ARHGEF10L: variants seen among roughly 807,000 people sequenced by gnomAD.
ARHGEF10L encodes the protein rho guanine nucleotide exchange factor 10-like protein.
In ARHGEF10L, 69 loss-of-function variants were observed where a neutral mutation model predicts 141.2. The observed-to-expected ratio is 0.49, with a 90% confidence interval of 0.40 to 0.60. The LOEUF (loss-of-function observed/expected upper bound fraction) is 0.60, where lower values mean the gene tolerates loss of function less well. ARHGEF10L is among the 20% of genes least tolerant of loss of function. ARHGEF10L has a pLI of 0.00. For synonymous variants in ARHGEF10L, 711 were observed against 718.5 expected (o/e 0.99, Z 0.17); for missense variants, 1,482 against 1,734.3 (o/e 0.85, Z 2.58).
chr1:17,595,473 G>A (rs1201198671), intron 4 of ARHGEF10L, among the ~76,000 whole-genome samples: 1 of 152,074 alleles, frequency 6.6e-6, no homozygotes, highest in East Asian at 1.9e-4. Context: ...TACAGAGATG[G>A]CTCCCCAGAG....
Position 17,612,284 on chromosome 1 carries a change from A to G in ARHGEF10L, c.610-774A>G, listed in dbSNP as rs115607980. On this transcript the variant is annotated intron_variant, in intron 7 of 28. Transcript: ENST00000361221. ...CTTTTTCCTGCAGAACTGGTTGTTA[A>G]ATATTTGCCAGCACAGCACTGCCTG... Among the ~76,000 whole-genome samples, 632 of 151,860 alleles carry G rather than the reference A, an allele frequency of 4.2e-3. 4 individuals are homozygous for G. The highest frequency in any genetic ancestry group is 8.7e-3 in the Admixed American group (133 of 15,268).
chr1:17,579,038 TG>T (rs1430623996), intron 1 of ARHGEF10L, among the ~76,000 whole-genome samples: 1 of 152,068 alleles, frequency 6.6e-6, no homozygotes, highest in Non-Finnish European at 1.5e-5. Flanking sequence ...TTTAATTTTT[TG>T]AGACAGAGTC....
chr1:17,680,185 C>G (rs534851756), intron 26 of ARHGEF10L, among the ~76,000 whole-genome samples: 13 of 152,226 alleles, frequency 8.5e-5, no homozygotes, highest in African/African-American at 2.9e-4. Flanking sequence ...CGCACAGTGC[C>G]CAGTCAGGCA....
At chr1:17,635,928 G>A (rs1475926424) in intron 18 of ARHGEF10L, among the ~76,000 whole-genome samples, 1 of 152,164 alleles carries the variant, frequency 6.6e-6, no homozygotes, top group Non-Finnish European at 1.5e-5. Context: ...TGCCTCATGG[G>A]CCACCCACAA....
upstream of ARHGEF10L, among the ~76,000 whole-genome samples, chr1:17,536,554 G>A (rs1370630189): frequency 2.0e-5 from 3 of 152,172 alleles, no homozygotes; most frequent in Non-Finnish European, 4.4e-5. Context: ...GCAAGAATAC[G>A]TGAAGATGTG....
chr1:17,680,146 A>T (rs1211343012), intron 26 of ARHGEF10L, among the ~76,000 whole-genome samples: 3 of 148,956 alleles, frequency 2.0e-5, no homozygotes, highest in African/African-American at 7.5e-5. Context: ...CTCTCTTTTC[A>T]TAGAGTCTCC....
chr1:17,549,167 C>T (rs977834072), intron 1 of ARHGEF10L, among the ~76,000 whole-genome samples: 2 of 151,290 alleles, frequency 1.3e-5, no homozygotes, highest in Non-Finnish European at 2.9e-5. Flanking sequence ...GGATTACAGG[C>T]GCCTGCCACT....
In ARHGEF10L at chr1:17,651,714, C is replaced by T. The variant is rs151027775; in HGVS notation, c.2395-2922C>T. On this transcript the variant is annotated intron_variant, in intron 22 of 28. Transcript: ENST00000361221. ...CAGGAATATGTAGGCCAGAAGCATC[C>T]TCAGTCCTGCTGGCCCCGGCTCACT... is the stretch of plus-strand genomic sequence containing the variant. Among the ~76,000 whole-genome samples, 922 of 152,286 alleles carry T rather than the reference C, an allele frequency of 6.1e-3. 9 individuals carry two copies. Among genetic ancestry groups the T allele is most frequent in the African/African-American group, 0.021 (862 of 41,548 alleles).
intron 23 of ARHGEF10L, 48 bp from the exon 24 acceptor site, chr1:17,655,831 C>G (rs1302270346): frequency 4.0e-6 from 6 of 1,517,920 alleles, no homozygotes; most frequent in Non-Finnish European, 5.3e-6. Flanking sequence ...CTCCTCTGCT[C>G]CCTCCTGTGG....
In ARHGEF10L at chr1:17,639,873, C is replaced by T. The variant is rs1223033541; in HGVS notation, c.2172-329C>T. 1 of 1,396,836 alleles carries T rather than the reference C, an allele frequency of 7.2e-7. No homozygotes were observed. The highest frequency in any genetic ancestry group is 9.4e-7 in the Non-Finnish European group (1 of 1,058,226). The allele number at this position is 1,396,836 out of a possible 1,614,324, so 86.5% of individuals were successfully genotyped here. A position where few individuals can be genotyped will look rare whatever the true frequency, so the allele number is the denominator to read the frequency against. Reference sequence around the variant, plus strand: ...ATGTAAGGTGTCTAAGACCTGTGGACAGCTGACCGCTGACCAGGTGGAGTC... The same window carrying T: ...ATGTAAGGTGTCTAAGACCTGTGGATAGCTGACCGCTGACCAGGTGGAGTC... On this transcript the variant is annotated intron_variant, in intron 20 of 28. Coordinates refer to ENST00000361221, the MANE Select transcript of ARHGEF10L (RefSeq NM_018125.4). The surrounding 1 kb of genome is among the most constrained non-coding windows in gnomAD (Gnocchi z 4.3).
At chr1:17,690,247 G>T (rs1202859838) in intron 27 of ARHGEF10L, among the ~76,000 whole-genome samples, 1 of 152,180 alleles carries the variant, frequency 6.6e-6, no homozygotes, top group Non-Finnish European at 1.5e-5. Context: ...GCTGGGTGGG[G>T]TACACCAGAG....
intron 7 of ARHGEF10L, among the ~76,000 whole-genome samples, chr1:17,612,356 C>T (rs2059590651): frequency 1.3e-5 from 2 of 152,244 alleles, no homozygotes; most frequent in Admixed American, 1.3e-4. Flanking sequence ...CTTCATCTGA[C>T]TGTCTCTTCA....
intron 26 of ARHGEF10L, among the ~76,000 whole-genome samples, chr1:17,675,853 G>A (rs1170223356): frequency 2.0e-5 from 3 of 149,416 alleles, no homozygotes; most frequent in Admixed American, 2.0e-4. Flanking sequence ...TGTGGGTGCA[G>A]GTGTGGGTAC....
At chr1:17,545,871 C>A (rs1243028035) in intron 1 of ARHGEF10L, among the ~76,000 whole-genome samples, 1 of 152,196 alleles carries the variant, frequency 6.6e-6, no homozygotes, top group Admixed American at 6.5e-5. Context: ...TGCCTCTGAA[C>A]CTTTGCACAT....
chr1:17,658,722 C>T (rs562523818), intron 25 of ARHGEF10L, among the ~76,000 whole-genome samples: 15 of 152,130 alleles, frequency 9.9e-5, no homozygotes, highest in East Asian at 1.9e-4. Flanking sequence ...GAGAGGGAAT[C>T]GGTTAGTAAA....
At position 17,695,235 on chromosome 1, in the gene ARHGEF10L, G is replaced by A. The variant is rs145857867; in HGVS notation, c.3262G>A (p.Val1088Ile). The A allele has an allele frequency of 3.2e-5, 51 of 1,606,768 alleles. No homozygotes were observed. Among genetic ancestry groups the A allele is most frequent in the African/African-American group, 1.9e-4 (14 of 74,752 alleles). The change falls in exon 28 of 29, where the codon GTC becomes ATC. Residue 1088 changes from valine to isoleucine, a missense_variant. Val to Ile is a conservative substitution (Grantham distance 29, BLOSUM62 3). This residue lies in a region of ARHGEF10L where 858 missense variants were observed against 966.3 expected (regional missense o/e 0.89). Transcript: ENST00000361221. ...GGTGGGCACTGACCAGGGTGTCATCGTCCTGCTGCCCGTGCCTCGGCTGGA... is the reference window on the plus strand; with the variant it reads ...GGTGGGCACTGACCAGGGTGTCATCATCCTGCTGCCCGTGCCTCGGCTGGA... The part of the protein sequence containing the change: ...LWVGTDQGVI[V>I]LLPVPRLEGI...
chr1:17,567,203 T>C (rs1432058770), intron 1 of ARHGEF10L, among the ~76,000 whole-genome samples: 1 of 152,218 alleles, frequency 6.6e-6, no homozygotes, highest in Non-Finnish European at 1.5e-5. Context: ...GCACCTGTTA[T>C]GCTTGCTGGC....
chr1:17,610,795 T>C (rs919931178), intron 7 of ARHGEF10L, among the ~76,000 whole-genome samples: 1 of 152,178 alleles, frequency 6.6e-6, no homozygotes, highest in South Asian at 2.1e-4. Context: ...TGGAACCCCT[T>C]CTTCAGAGAT....
chr1:17,565,962 G>A (rs920819612), intron 1 of ARHGEF10L, among the ~76,000 whole-genome samples: 13 of 152,124 alleles, frequency 8.5e-5, no homozygotes, highest in African/African-American at 2.4e-4. Context: ...ACAGTCTAGC[G>A]GGGAGAGGCA....
Sources: allele counts gnomAD v4.1 joint callset (sites outside exome capture counted in the v4.1 genomes callset), GRCh38; gene constraint gnomAD v4.1.1; regional missense constraint gnomAD v4.1.1; non-coding constraint Gnocchi (gnomAD v3.1); transcripts MANE v1.5; gene names NCBI Gene and HGNC (gene_info 2026-07-23, HGNC 2026-07-21).